The following PTPRN2 variants were observed in gnomAD, a reference collection of about 807,000 sequenced individuals.
PTPRN2 encodes receptor-type tyrosine-protein phosphatase N2.
PTPRN2 carries 74 observed loss-of-function variants against 118.8 expected under a neutral mutation model. The observed-to-expected ratio is 0.62, with a 90% CI of 0.52 to 0.76. The LOEUF is 0.76. Ranked by LOEUF, PTPRN2 falls within the 30% of genes least tolerant of loss-of-function variation. The pLI is 0.00. For missense variants in PTPRN2, 1,481 were observed against 1,394.4 expected, an observed-to-expected ratio of 1.06 and a Z score of -0.99; for synonymous variants, 641 against 608.0, an observed-to-expected ratio of 1.05 and a Z score of -0.80.
At chr7:158,364,993 A>G (rs201811559) in intron 2 of PTPRN2, among the ~76,000 whole-genome samples, 1 of 138,012 alleles carries the variant, frequency 7.2e-6, no homozygotes, top group South Asian at 2.4e-4. Flanking sequence ...ACACACACAC[A>G]CGCATGTGCA....
At chr7:157,907,758 G>C (rs1797861446) in intron 11 of PTPRN2, among the ~76,000 whole-genome samples, 1 of 152,088 alleles carries the variant, frequency 6.6e-6, no homozygotes. Flanking sequence ...CCCGGGCTGG[G>C]CCTCAGGCTT....
chr7:158,081,074 G>C lies in PTPRN2; in HGVS notation c.1723+224C>G, dbSNP rs1221632209. The stretch of plus-strand genomic sequence containing the variant: ...GGGCAGCCCAGTCCCTCTCCACACA[G>C]TGAAATCCCAGATGGTGCCCACGGA... On this transcript the variant is annotated intron_variant, in intron 11 of 22. Coordinates refer to ENST00000389418, the MANE Select transcript of PTPRN2 (RefSeq NM_002847.5). Among the ~76,000 whole-genome samples, 5 of 152,184 alleles carry C rather than the reference G, an allele frequency of 3.3e-5. No homozygotes were observed. In the South Asian group the frequency reaches 8.3e-4, roughly 25 times the overall value.
chr7:157,991,287 A>G (rs927640199), intron 11 of PTPRN2, among the ~76,000 whole-genome samples: 4 of 152,352 alleles, frequency 2.6e-5, no homozygotes, highest in Admixed American at 6.5e-5. Flanking sequence ...TACCCGGACA[A>G]TTCCTGCCAC....
At chr7:157,709,087 C>T (rs1468557876) in intron 12 of PTPRN2, among the ~76,000 whole-genome samples, 1 of 152,206 alleles carries the variant, frequency 6.6e-6, no homozygotes, top group Non-Finnish European at 1.5e-5. Context: ...GTGGCTTCTG[C>T]CTCTCCCAGT....
At chr7:158,247,381 G>A (rs186034892) in intron 3 of PTPRN2, among the ~76,000 whole-genome samples, 18 of 151,958 alleles carry the variant, frequency 1.2e-4, no homozygotes, top group South Asian at 4.2e-4. Context: ...GACCGTGTCT[G>A]CGTGTCTAAG....
At chr7:157,972,461 G>T (rs577546069) in intron 11 of PTPRN2, among the ~76,000 whole-genome samples, 1 of 152,266 alleles carries the variant, frequency 6.6e-6, no homozygotes, top group South Asian at 2.1e-4. Context: ...CTGTGGGAGA[G>T]ACCACAGGAA....
At chr7:157,765,155 C>T (rs1802376315) in intron 12 of PTPRN2, among the ~76,000 whole-genome samples, 2 of 151,596 alleles carry the variant, frequency 1.3e-5, no homozygotes, top group Admixed American at 1.3e-4. Context: ...TCCATCCATC[C>T]ATCCTTCTTT....
At chr7:158,010,138 C>T (rs1805937830) in intron 11 of PTPRN2, among the ~76,000 whole-genome samples, 1 of 152,202 alleles carries the variant, frequency 6.6e-6, no homozygotes, top group Non-Finnish European at 1.5e-5. Context: ...CTCCGGCATC[C>T]CCAGCAGCCC....
At chr7:158,336,769 A>C (rs1350954901) in intron 2 of PTPRN2, among the ~76,000 whole-genome samples, 1 of 99,926 alleles carries the variant, frequency 1.0e-5, no homozygotes, top group Non-Finnish European at 2.3e-5. Flanking sequence ...GTCTCACCAT[A>C]AGAGGTGACA....
chr7:158,571,525 CTTTTTTTTTT>C (rs552051165), intron 1 of PTPRN2, among the ~76,000 whole-genome samples: 1,034 of 71,814 alleles, frequency 0.014, 26 homozygotes, highest in African/African-American at 0.044. Context: ...ACACCTATTT[CTTTTTTTTTT>C]TTTTTTTTTT....
intron 3 of PTPRN2, among the ~76,000 whole-genome samples, chr7:158,208,763 C>T (rs908428750): frequency 6.6e-6 from 1 of 152,106 alleles, no homozygotes; most frequent in Non-Finnish European, 1.5e-5. Context: ...AATATCATAA[C>T]ACTGTAATTG....
intron 11 of PTPRN2, among the ~76,000 whole-genome samples, chr7:158,008,477 T>A (rs1278266667): frequency 6.6e-6 from 1 of 152,238 alleles, no homozygotes; most frequent in East Asian, 1.9e-4. Flanking sequence ...GCGCGCGTGG[T>A]GGCGGCTTAC....
At chr7:157,793,566 C>T (rs1423454769) in intron 12 of PTPRN2, among the ~76,000 whole-genome samples, 1 of 152,194 alleles carries the variant, frequency 6.6e-6, no homozygotes, top group African/African-American at 2.4e-5. Context: ...TGGGTGGATG[C>T]TCGTGGTTCA....
intron 3 of PTPRN2, among the ~76,000 whole-genome samples, chr7:158,245,444 T>C (rs1435912806): frequency 6.6e-6 from 1 of 152,184 alleles, no homozygotes; most frequent in African/African-American, 2.4e-5. Flanking sequence ...TGAGTTTCAG[T>C]GATGAGGCCA....
chr7:157,884,443 C>G (rs1796343500), intron 12 of PTPRN2, among the ~76,000 whole-genome samples: 1 of 152,226 alleles, frequency 6.6e-6, no homozygotes, highest in South Asian at 2.1e-4. Context: ...ACTGGAAACC[C>G]CATCAATGCA....
chr7:157,872,395 C>T (rs1159583027), intron 12 of PTPRN2, among the ~76,000 whole-genome samples: 7 of 133,634 alleles, frequency 5.2e-5, no homozygotes, highest in African/African-American at 1.5e-4. Context: ...CCAGTGTCCT[C>T]CCCCCACACA....
chr7:158,072,970 C>T (rs1031684158), intron 11 of PTPRN2, among the ~76,000 whole-genome samples: 4 of 152,214 alleles, frequency 2.6e-5, no homozygotes, highest in African/African-American at 9.6e-5. Context: ...AACCCTCTGC[C>T]CTGCCCAAGA....
intron 11 of PTPRN2, among the ~76,000 whole-genome samples, chr7:157,959,420 G>A (rs367698142): frequency 6.6e-6 from 1 of 152,254 alleles, no homozygotes. Flanking sequence ...TATCTAAACA[G>A]TTAAAAAGTA....
rs551053575 is a variant in PTPRN2 at position 157,941,946 on chromosome 7, AGGGGTCCACGGCACACCCTCCACACACG to A, written c.1724-43237_1724-43210del. Among the ~76,000 whole-genome samples, 1,061 of 152,272 alleles carry A rather than the reference AGGGGTCCACGGCACACCCTCCACACACG, an allele frequency of 7.0e-3. 13 individuals are homozygous for A. Among genetic ancestry groups the A allele is most frequent in the African/African-American group, 0.024 (1,003 of 41,536 alleles). On this transcript the variant is annotated intron_variant, in intron 11 of 22. Transcript: ENST00000389418. ...TGGTTGGTCCCCTGCAGCAACACAC[AGGGGTCCACGGCACACCCTCCACACACG>A]GGGGTCCCCAGCACACCTTCAAATA...
Sources: gnomAD v4.1 joint callset for allele counts (sites outside exome capture counted in the v4.1 genomes callset) on GRCh38, gnomAD v4.1.1 for gene constraint, MANE v1.5 for transcripts, NCBI Gene and HGNC (gene_info 2026-07-23, HGNC 2026-07-21) for gene names.